NAV3: variants seen among roughly 807,000 people sequenced by gnomAD.
NAV3 encodes neuron navigator 3.
NAV3 carries 87 observed loss-of-function variants against 244.7 expected under a neutral mutation model. The ratio of observed to expected loss-of-function variants is 0.36; its 90% confidence interval spans 0.30 to 0.42. The LOEUF is 0.42. Ranked by LOEUF, NAV3 falls within the 20% of genes least tolerant of loss-of-function variation. NAV3 has a pLI of 1.00. For missense variants in NAV3, 2,663 were observed against 2,893.3 expected, an observed-to-expected ratio of 0.92 and a Z score of 1.83; for synonymous variants, 1,126 against 1,042.2, an observed-to-expected ratio of 1.08 and a Z score of -1.55.
At chr12:77,954,176 A>G (rs1891152972) in intron 3 of NAV3, among the ~76,000 whole-genome samples, 1 of 152,198 alleles carries the variant, frequency 6.6e-6, no homozygotes, top group Non-Finnish European at 1.5e-5. Flanking sequence ...TGAACTTATG[A>G]AATGTGTGGA....
intron 18 of NAV3, 57 bp from the exon 19 acceptor site, chr12:78,137,119 CT>C (rs1565705683): frequency 6.8e-7 from 1 of 1,468,226 alleles, no homozygotes; most frequent in African/African-American, 1.4e-5. Flanking sequence ...TTCTATCAAC[CT>C]GCTATTTTCA....
intron 15 of NAV3, 38 bp from the exon 16 acceptor site, chr12:78,121,902 C>T (rs2138675771): frequency 2.5e-6 from 4 of 1,605,710 alleles, no homozygotes; most frequent in Non-Finnish European, 1.7e-6. Flanking sequence ...ATATTAGCTT[C>T]TTGGAACAAC....
At chr12:77,736,510 T>C (rs969891119) in intron 2 of NAV3, among the ~76,000 whole-genome samples, 1 of 152,206 alleles carries the variant, frequency 6.6e-6, no homozygotes, top group Non-Finnish European at 1.5e-5. Context: ...ACAGCATGGC[T>C]TCTCTCTTTG....
Position 77,614,074 on chromosome 12 carries a change from CTTTTTT to C in NAV3, c.72+41830_72+41835del, listed in dbSNP as rs71440485. On this transcript the variant is annotated intron_variant, in intron 2 of 8. Coordinates refer to the NAV3 transcript ENST00000550042. Reference sequence around the variant, plus strand: ...GACTTTGCCTTTCTTTTCTTTCTCTCTTTTTTTTTTTTTTTTTTTTTTTTTTTAACA... The same window carrying C: ...GACTTTGCCTTTCTTTTCTTTCTCTCTTTTTTTTTTTTTTTTTTTTTAACA... Among the ~76,000 whole-genome samples, 63 of 95,670 alleles carry C rather than the reference CTTTTTT, an allele frequency of 6.6e-4. 1 individual carries two copies. The highest frequency in any genetic ancestry group is 1.4e-3 in the African/African-American group (34 of 24,380). The allele number at this position is 95,670 out of a possible 152,430, so 62.8% of individuals were successfully genotyped here. A position where few individuals can be genotyped will look rare whatever the true frequency, so the allele number is the denominator to read the frequency against.
chr12:78,006,614 C>G lies in NAV3; in HGVS notation c.1076C>G (p.Pro359Arg), dbSNP rs2136562451. 1.9e-6 allele frequency: 3 copies of G among 1,614,128 alleles called. No homozygotes were observed. The highest frequency in any genetic ancestry group is 2.5e-6 in the Non-Finnish European group (3 of 1,180,024). ...AAGCAGTCAAGTACAGCCACCTCCC[C>G]CACACCATCTTCAGACAGACTGAAG... is the stretch of plus-strand genomic sequence containing the variant. ...TVKQSSTATS[P>R]TPSSDRLKPP... Residue 359 changes from proline (P) to arginine (R), a missense_variant, in exon 8 of 40, where the codon CCC (proline) becomes CGC (arginine). Pro to Arg is a moderately radical substitution (Grantham distance 103). Around this residue, in one of 6 missense-constraint regions of NAV3, gnomAD observed 1,521 missense variants for 1,497.0 expected, o/e 1.02. Coordinates refer to ENST00000397909, the MANE Select transcript of NAV3 (RefSeq NM_001024383.2).
chr12:78,179,498 G>A (rs1403810777), intron 28 of NAV3, 31 bp from the exon 29 acceptor site: 1 of 1,612,254 alleles, frequency 6.2e-7, no homozygotes, highest in African/African-American at 1.3e-5. Flanking sequence ...GGCTTCCCCA[G>A]GCCACTGATT....
At chr12:78,002,389 T>A (rs1299462010) in intron 7 of NAV3, among the ~76,000 whole-genome samples, 1 of 152,212 alleles carries the variant, frequency 6.6e-6, no homozygotes, top group African/African-American at 2.4e-5. Flanking sequence ...CTTCTCTTTG[T>A]CTAGATTCTA....
chr12:77,861,252 C>T (rs953914103), intron 1 of NAV3, among the ~76,000 whole-genome samples: 3 of 151,662 alleles, frequency 2.0e-5, no homozygotes, highest in East Asian at 3.9e-4. Context: ...CCTATTTGTA[C>T]AGATGATTAT....
intron 1 of NAV3, among the ~76,000 whole-genome samples, chr12:77,836,559 A>G (rs1450682389): frequency 8.4e-6 from 1 of 119,460 alleles, no homozygotes; most frequent in Non-Finnish European, 1.5e-5. Context: ...AGAAATAAAC[A>G]GAGAGAGTAG....
intron 4 of NAV3, among the ~76,000 whole-genome samples, chr12:77,968,066 A>C (rs1299120751): frequency 6.6e-6 from 1 of 152,214 alleles, no homozygotes; most frequent in African/African-American, 2.4e-5. Flanking sequence ...AGGTGCACCC[A>C]CATCATCAAT....
intron 2 of NAV3, among the ~76,000 whole-genome samples, chr12:77,636,543 TGGTG>T (rs1318947619): frequency 6.6e-6 from 1 of 151,916 alleles, no homozygotes; most frequent in Non-Finnish European, 1.5e-5. Context: ...TTTACACTGT[TGGTG>T]GGAGTGTAAA....
intron 6 of NAV3, among the ~76,000 whole-genome samples, chr12:77,995,494 G>A (rs574506288): frequency 3.3e-5 from 5 of 152,296 alleles, no homozygotes; most frequent in African/African-American, 9.6e-5. Flanking sequence ...CATGATGGTA[G>A]CATGGAACAG....
chr12:77,820,298 A>G (rs777172636), intron 2 of NAV3, among the ~76,000 whole-genome samples: 20 of 152,196 alleles, frequency 1.3e-4, no homozygotes, highest in Non-Finnish European at 2.5e-4. Flanking sequence ...GGTAATTTCT[A>G]TAAGAACAGG....
At chr12:78,190,263 A>G in intron 34 of NAV3, 44 bp downstream of exon 34, 1 of 1,487,008 alleles carries the variant, frequency 6.7e-7, no homozygotes, top group Non-Finnish European at 9.3e-7. Context: ...TTTATCCATA[A>G]GTGTTTTAAG....
intron 2 of NAV3, among the ~76,000 whole-genome samples, chr12:77,653,294 C>G (rs940800098): frequency 1.3e-5 from 2 of 152,160 alleles, no homozygotes; most frequent in Non-Finnish European, 2.9e-5. Context: ...CTGATACTGA[C>G]AGGTGCTAAT....
intron 1 of NAV3, among the ~76,000 whole-genome samples, chr12:77,936,604 T>C (rs11107477): frequency 0.11 from 17,137 of 152,212 alleles, 1,284 homozygotes; most frequent in South Asian, 0.16. Flanking sequence ...GCCTGCAAAA[T>C]ACATTACTGC....
At chr12:77,733,071 T>C (rs1485358140) in intron 2 of NAV3, among the ~76,000 whole-genome samples, 6 of 152,002 alleles carry the variant, frequency 3.9e-5, no homozygotes, top group Admixed American at 1.3e-4. Flanking sequence ...TGATTTTTTT[T>C]CCAGAAAGCA....
intron 2 of NAV3, among the ~76,000 whole-genome samples, chr12:77,762,237 A>G (rs535468358): frequency 2.5e-4 from 38 of 152,180 alleles, no homozygotes; most frequent in African/African-American, 8.2e-4. Context: ...ATGAGAACAC[A>G]TGGACACAGT....
chr12:77,809,781 G>A (rs1872190287), intron 2 of NAV3, among the ~76,000 whole-genome samples: 1 of 152,124 alleles, frequency 6.6e-6, no homozygotes, highest in Admixed American at 6.5e-5. Flanking sequence ...TTTAAATTGA[G>A]TTAAATTGCT....
Sources: gnomAD v4.1 joint callset for allele counts (sites outside exome capture counted in the v4.1 genomes callset) on GRCh38, gnomAD v4.1.1 for gene constraint, gnomAD v4.1.1 regional missense constraint, MANE v1.5 for transcripts, NCBI Gene and HGNC (gene_info 2026-07-23, HGNC 2026-07-21) for gene names.